The following SMPD3 variants were observed in gnomAD, a reference collection of about 807,000 sequenced individuals.
The protein encoded by SMPD3 is nSMase-2.
In SMPD3, 21 loss-of-function variants were observed where a neutral mutation model predicts 55.7. That is an observed-to-expected ratio of 0.38 (90% CI 0.27 to 0.54). SMPD3 has a LOEUF of 0.54. Ranked by LOEUF, SMPD3 falls within the 20% of genes least tolerant of loss-of-function variation. The pLI is 0.80. For synonymous variants in SMPD3, 457 were observed against 404.3 expected, an observed-to-expected ratio of 1.13 and a Z score of -1.56; for missense variants, 842 against 899.6, an observed-to-expected ratio of 0.94 and a Z score of 0.82.
rs919370336 is a variant in SMPD3, at chr16:68,439,213, T to A, written c.-269+9140A>T. 7.9e-5 allele frequency among the ~76,000 whole-genome samples: 12 copies of A among 152,284 alleles called. No individual in the cohort carries two copies. The South Asian group carries it at 2.5e-3, about 32-fold the overall frequency. On this transcript the variant is annotated intron_variant, in intron 1 of 8. Coordinates refer to ENST00000219334, the MANE Select transcript of SMPD3 (RefSeq NM_018667.4). ...TTGATGGTAAAAATGTGATTCAGAC[T>A]CAAGTTTGGTTGGCATCCATAGCTT...
At chr16:68,421,497 T>C (rs761232589) in intron 1 of SMPD3, among the ~76,000 whole-genome samples, 2 of 152,194 alleles carry the variant, frequency 1.3e-5, no homozygotes, top group African/African-American at 2.4e-5. Context: ...AAAGCCAGCA[T>C]GGCAATGAGC....
At chr16:68,440,356 T>C (rs1217578151) in intron 1 of SMPD3, among the ~76,000 whole-genome samples, 1 of 152,156 alleles carries the variant, frequency 6.6e-6, no homozygotes, top group Non-Finnish European at 1.5e-5. Flanking sequence ...CACACCACCA[T>C]GCCTGGCAAA....
chr16:68,440,706 G>A (rs948506390), intron 1 of SMPD3, among the ~76,000 whole-genome samples: 4 of 152,140 alleles, frequency 2.6e-5, no homozygotes, highest in Non-Finnish European at 5.9e-5. Flanking sequence ...TCAGTGTCTT[G>A]TCAAAGGCCA....
Position 68,371,966 on chromosome 16 carries a change from C to T in SMPD3, c.216G>A (p.Val72=). 1 of 1,612,308 alleles carries T rather than the reference C, an allele frequency of 6.2e-7. No homozygotes were observed. The highest frequency in any genetic ancestry group is 1.7e-4 in the Middle Eastern group (1 of 6,056). ...LFTPIYLALL[V]ASLPFAFLGF... ...CGAGAAACGCAAAGGGCAGCGAGGCCACCAGGAGGGCCAGGTAGATGGGCG... is the reference window on the plus strand; with the variant it reads ...CGAGAAACGCAAAGGGCAGCGAGGCTACCAGGAGGGCCAGGTAGATGGGCG... Residue 72 remains valine (V), a synonymous_variant, in exon 3 of 9, where the codon GTG becomes GTA. Coordinates refer to ENST00000219334, the MANE Select transcript of SMPD3 (RefSeq NM_018667.4).
intron 1 of SMPD3, among the ~76,000 whole-genome samples, chr16:68,403,438 A>G (rs1230322449): frequency 6.6e-6 from 1 of 152,128 alleles, no homozygotes; most frequent in Non-Finnish European, 1.5e-5. Flanking sequence ...GCCTGGCCTC[A>G]CCTCTATTTC....
chr16:68,425,734 C>T (rs1192096257), intron 1 of SMPD3, among the ~76,000 whole-genome samples: 4 of 152,100 alleles, frequency 2.6e-5, no homozygotes, highest in African/African-American at 9.7e-5. Context: ...GTGGGATACT[C>T]AGCAAGATAT....
chr16:68,363,335 CAGCTCTCAAA>C (rs1320837742), intron 7 of SMPD3, among the ~76,000 whole-genome samples, 151 bp downstream of exon 7: 5 of 152,220 alleles, frequency 3.3e-5, no homozygotes, highest in Admixed American at 1.3e-4. Context: ...GCCCAGCTCC[CAGCTCTCAAA>C]AGCTCTCAAA....
At chr16:68,435,705 C>T (rs2090518184) in intron 1 of SMPD3, among the ~76,000 whole-genome samples, 1 of 152,236 alleles carries the variant, frequency 6.6e-6, no homozygotes, top group Admixed American at 6.5e-5. Context: ...AGGAGTGGGA[C>T]TGGCCTGCTG....
At chr16:68,384,295 A>G (rs554356406) in intron 2 of SMPD3, among the ~76,000 whole-genome samples, 1 of 152,358 alleles carries the variant, frequency 6.6e-6, no homozygotes, top group South Asian at 2.1e-4. Context: ...CAAGATTCAC[A>G]GAGAAGATCC....
chr16:68,364,480 C>T, intron 5 of SMPD3: 1 of 451,704 alleles, frequency 2.2e-6, no homozygotes, highest in East Asian at 3.9e-5. Context: ...TACTAGTGGA[C>T]TCGTCCTTTG....
intron 1 of SMPD3, among the ~76,000 whole-genome samples, chr16:68,406,819 A>G (rs767966888): frequency 1.3e-5 from 2 of 152,218 alleles, no homozygotes; most frequent in Non-Finnish European, 2.9e-5. Context: ...AGGGGGCGGA[A>G]GCTCACCGTA....
In SMPD3 at chr16:68,372,116, G is replaced by T. The variant is rs2089688657; in HGVS notation, c.66C>A (p.Ala22=). The change falls in exon 3 of 9, where the codon GCC becomes GCA. Residue 22 remains alanine (A), a synonymous_variant. Transcript: ENST00000219334. The part of the protein sequence containing the change: ...CLSALHCVSW[A]LIFPCYWLVD... Reference sequence around the variant, plus strand: ...CCAGCCAGTAGCATGGAAAGATAAGGGCCCAGGACACACAGTGCAGGGCGG... The same window carrying T: ...CCAGCCAGTAGCATGGAAAGATAAGTGCCCAGGACACACAGTGCAGGGCGG... 6.2e-7 allele frequency: 1 copy of T among 1,612,752 alleles called. No individual in the cohort carries two copies. The highest frequency in any genetic ancestry group is 1.3e-5 in the African/African-American group (1 of 74,924).
At chr16:68,397,654 C>G (rs1365919408) in intron 1 of SMPD3, among the ~76,000 whole-genome samples, 1 of 152,238 alleles carries the variant, frequency 6.6e-6, no homozygotes, top group Non-Finnish European at 1.5e-5. Flanking sequence ...CAATCCTGTC[C>G]TTAGAGCTCT....
chr16:68,420,645 A>G lies in SMPD3; in HGVS notation c.-269+27708T>C, dbSNP rs2090385992. Reference sequence around the variant, plus strand: ...TAAGCTGCTTTTGAACCAGCTGATCAGGACTACTCTTCAAAATCGCAATTT... The same window carrying G: ...TAAGCTGCTTTTGAACCAGCTGATCGGGACTACTCTTCAAAATCGCAATTT... On this transcript the variant is annotated intron_variant, in intron 1 of 8. Transcript: ENST00000219334. Among the ~76,000 whole-genome samples the G allele has an allele frequency of 2.0e-5, 3 of 152,226 alleles. No individual in the cohort carries two copies. In the South Asian group the frequency reaches 6.2e-4, roughly 31 times the overall value.
At chr16:68,440,273 T>G (rs1163132697) in intron 1 of SMPD3, among the ~76,000 whole-genome samples, 2 of 152,232 alleles carry the variant, frequency 1.3e-5, no homozygotes, top group African/African-American at 4.8e-5. Flanking sequence ...GTTGGCTCAC[T>G]GCAGCCTCTA....
intron 1 of SMPD3, among the ~76,000 whole-genome samples, chr16:68,399,389 C>T (rs1016759891): frequency 6.6e-6 from 1 of 152,220 alleles, no homozygotes; most frequent in Admixed American, 6.5e-5. Context: ...CATGTCCACT[C>T]ACCACTGTGC....
intron 1 of SMPD3, among the ~76,000 whole-genome samples, chr16:68,432,768 C>A (rs915304085): frequency 2.6e-5 from 4 of 152,196 alleles, no homozygotes; most frequent in African/African-American, 9.7e-5. Context: ...AGTGCCAGGG[C>A]AGCCTGCGTC....
At chr16:68,422,544 C>G (rs989101925) in intron 1 of SMPD3, among the ~76,000 whole-genome samples, 16 of 152,116 alleles carry the variant, frequency 1.1e-4, no homozygotes, top group Non-Finnish European at 1.8e-4. Flanking sequence ...CAGTACAGGC[C>G]CAGCTGCTTG....
intron 1 of SMPD3, among the ~76,000 whole-genome samples, chr16:68,439,904 C>T (rs1283334035): frequency 6.6e-6 from 1 of 152,170 alleles, no homozygotes; most frequent in Non-Finnish European, 1.5e-5. Flanking sequence ...TTGTAAAGTG[C>T]TGTAAACACC....
Sources: gnomAD v4.1 joint callset for allele counts (sites outside exome capture counted in the v4.1 genomes callset) on GRCh38, gnomAD v4.1.1 for gene constraint, MANE v1.5 for transcripts, NCBI Gene and HGNC (gene_info 2026-07-23, HGNC 2026-07-21) for gene names.